The following SOX13 variants were observed in gnomAD, a reference collection of about 807,000 sequenced individuals.
SOX13 encodes transcription factor SOX-13.
SOX13 carries 28 observed loss-of-function variants against 71.8 expected under a neutral mutation model. The ratio of observed to expected loss-of-function variants is 0.39; its 90% CI spans 0.29 to 0.53. SOX13 has a LOEUF of 0.53. SOX13 is among the 20% of genes least tolerant of loss of function. The probability of loss-of-function intolerance (pLI) is 0.70; values close to 1 mark genes in which losing one functional copy is unlikely to be tolerated. For missense variants in SOX13, 627 were observed against 810.3 expected (o/e 0.77, Z 2.75); for synonymous variants, 309 against 317.8 (o/e 0.97, Z 0.29).
intron 1 of SOX13, among the ~76,000 whole-genome samples, chr1:204,095,001 C>G (rs955349682): frequency 6.6e-6 from 1 of 152,174 alleles, no homozygotes; most frequent in Non-Finnish European, 1.5e-5. Context: ...CCCCGTCCTG[C>G]CACTCCCTTC....
intron 1 of SOX13, among the ~76,000 whole-genome samples, chr1:204,094,769 G>T (rs1656217495): frequency 6.6e-6 from 1 of 152,158 alleles, no homozygotes. Context: ...TTGGTTAAGT[G>T]GGAACTGGGA....
At position 204,125,931 on chromosome 1, in the gene SOX13, C is replaced by T; in HGVS notation, c.1666C>T (p.Gln556Ter). ...TCGGGCAGCAGGCATGCCGCTGGCACAGCCACTGGTGGAGCACTATGTCCC... is the reference window on the plus strand; with the variant it reads ...TCGGGCAGCAGGCATGCCGCTGGCATAGCCACTGGTGGAGCACTATGTCCC... ...YPRAAGMPLAQPLVEHYVPRS... is the reference protein window; with the variant it reads ...YPRAAGMPLA Residue 556 changes from glutamine to a stop codon, truncating the protein, a stop_gained, in exon 14 of 14, where the codon CAG becomes TAG. Coordinates refer to ENST00000367204, the MANE Select transcript of SOX13 (RefSeq NM_005686.3). LOFTEE classifies it high-confidence loss of function. 1 of 1,613,728 alleles carries T rather than the reference C, an allele frequency of 6.2e-7. No homozygotes were observed. Among genetic ancestry groups the T allele is most frequent in the Non-Finnish European group, 8.5e-7 (1 of 1,179,814 alleles).
rs1655903800 is a variant in SOX13 at position 204,081,401 on chromosome 1, A to C, written c.-2+7690A>C. On this transcript the variant is annotated intron_variant, in intron 1 of 13. Transcript: ENST00000367204. This position sits in a 1 kb window ranked among gnomAD's most constrained non-coding sequence, Gnocchi z 4.3. ...TTTGTTTCCACGGAAGACCAAGAGG[A>C]GTCACGGTTTGACCAGCGCTAAGAG... 6.6e-6 allele frequency among the ~76,000 whole-genome samples: 1 copy of C among 152,242 alleles called. No homozygotes were observed. The highest frequency in any genetic ancestry group is 2.1e-4 in the South Asian group (1 of 4,834).
chr1:204,076,051 C>A (rs1375029192), intron 1 of SOX13, among the ~76,000 whole-genome samples: 1 of 152,144 alleles, frequency 6.6e-6, no homozygotes, highest in Non-Finnish European at 1.5e-5. Flanking sequence ...TGTCTAGTGC[C>A]ATCTTCTCGA....
intron 2 of SOX13, 77 bp downstream of exon 2, chr1:204,113,211 C>A: frequency 1.6e-6 from 2 of 1,214,994 alleles, no homozygotes; most frequent in Non-Finnish European, 2.3e-6. Context: ...GGCAGGCCCA[C>A]TCCCCTAGAT....
At position 204,123,603 on chromosome 1, in the gene SOX13, TG is replaced by T; in HGVS notation, c.1232-54del. The T allele has an allele frequency of 1.3e-6, 2 of 1,577,996 alleles. No homozygotes were observed. Among genetic ancestry groups the T allele is most frequent in the African/African-American group, 1.3e-5 (1 of 74,168 alleles). The stretch of plus-strand genomic sequence containing the variant: ...GTAGGGGACGTCTCTCTGCTGGCCC[TG>T]GGGCACTCTCCTGACCCCAGACAGG... On this transcript the variant is annotated intron_variant, in intron 11 of 13. Transcript: ENST00000367204. The surrounding 1 kb of genome is among the most constrained non-coding windows in gnomAD (Gnocchi z 5.0).
intron 1 of SOX13, among the ~76,000 whole-genome samples, chr1:204,086,445 A>G (rs976692708): frequency 6.6e-6 from 1 of 151,994 alleles, no homozygotes; most frequent in Non-Finnish European, 1.5e-5. Context: ...CTGGGACTAC[A>G]CACATGTGCT....
chr1:204,075,207 C>T (rs1194285407), intron 1 of SOX13, among the ~76,000 whole-genome samples: 1 of 152,236 alleles, frequency 6.6e-6, no homozygotes, highest in Non-Finnish European at 1.5e-5. Context: ...TCGAGCCAGG[C>T]CGCTCTCTGC....
rs12075131 is a variant in SOX13, at chr1:204,098,333, C to T, written c.-1-14582C>T. Reference sequence around the variant, plus strand: ...TCTCTACTAAAAATACAAAATTAGCCGGGCGTGGAGGCGCATGCCTGTAAT... The same window carrying T: ...TCTCTACTAAAAATACAAAATTAGCTGGGCGTGGAGGCGCATGCCTGTAAT... On this transcript the variant is annotated intron_variant, in intron 1 of 13. Coordinates refer to ENST00000367204, the MANE Select transcript of SOX13 (RefSeq NM_005686.3). Among the ~76,000 whole-genome samples the T allele has an allele frequency of 8.8e-3, 1,342 of 151,868 alleles. 19 individuals carry two copies. The highest frequency in any genetic ancestry group is 0.031 in the African/African-American group (1,274 of 41,400).
Position 204,097,560 on chromosome 1 carries a change from G to A in SOX13, c.-1-15355G>A, listed in dbSNP as rs550836686. On this transcript the variant is annotated intron_variant, in intron 1 of 13. Transcript: ENST00000367204. ...TACAAAATTAGCTGGGCGTGGTGGC[G>A]CATGCCTGTAATCCCAGCTACTCGG... Among the ~76,000 whole-genome samples, 14 of 151,816 alleles carry A rather than the reference G, an allele frequency of 9.2e-5. No homozygotes were observed. In the South Asian group the frequency reaches 2.3e-3, roughly 25 times the overall value.
chr1:204,082,882 G>A (rs1655938370), intron 1 of SOX13, among the ~76,000 whole-genome samples: 1 of 152,234 alleles, frequency 6.6e-6, no homozygotes, highest in African/African-American at 2.4e-5. Context: ...CTTGAAATGG[G>A]TGTACAAGTC....
At chr1:204,105,351 G>A (rs1024714653) in intron 1 of SOX13, among the ~76,000 whole-genome samples, 71 of 152,232 alleles carry the variant, frequency 4.7e-4, no homozygotes, top group African/African-American at 1.6e-3. Flanking sequence ...AGGAAGGGAG[G>A]GCAGAGCAGA....
At chr1:204,122,146 T>C (rs1404699238) in intron 8 of SOX13, 91 bp from the exon 9 acceptor site, 9 of 1,202,128 alleles carry the variant, frequency 7.5e-6, no homozygotes, top group South Asian at 2.9e-5. Flanking sequence ...TCCTTGTGTG[T>C]TCTGGGTATG....
At chr1:204,099,447 T>G (rs1039138347) in intron 1 of SOX13, among the ~76,000 whole-genome samples, 6 of 144,864 alleles carry the variant, frequency 4.1e-5, no homozygotes, top group Non-Finnish European at 6.0e-5. Flanking sequence ...TTTTTTTTTT[T>G]GAGACAGGGT....
chr1:204,077,479 A>AT (rs1655808388), intron 1 of SOX13, among the ~76,000 whole-genome samples: 2 of 152,368 alleles, frequency 1.3e-5, no homozygotes, highest in East Asian at 1.9e-4. Context: ...TTCTGAATTT[A>AT]GTACCAGGTG....
At chr1:204,082,323 A>C (rs1428289644) in intron 1 of SOX13, among the ~76,000 whole-genome samples, 1 of 152,034 alleles carries the variant, frequency 6.6e-6, no homozygotes, top group African/African-American at 2.4e-5. Flanking sequence ...CCTCCAACCC[A>C]TGGGAACCAG....
At position 204,122,409 on chromosome 1, in the gene SOX13, C is replaced by T. The variant is rs1489206311; in HGVS notation, c.1024+10C>T. ...CCGAGCCTGCCTCTGGGTAAGCCTC[C>T]TGCTGCCTGCACTTGTCCCTCAGCC... On this transcript the variant is annotated intron_variant, in intron 9 of 13. Transcript: ENST00000367204. 4 of 1,564,506 alleles carry T rather than the reference C, an allele frequency of 2.6e-6. No individual in the cohort carries two copies. The highest frequency in any genetic ancestry group is 3.8e-5 in the Admixed American group (2 of 53,022).
At position 204,124,867 on chromosome 1, in the gene SOX13, C is replaced by T. The variant is rs767794705; in HGVS notation, c.1592+10C>T. 1.0e-5 allele frequency: 16 copies of T among 1,540,882 alleles called. No homozygotes were observed. The highest frequency in any genetic ancestry group is 4.1e-5 in the African/African-American group (3 of 72,910). On this transcript the variant is annotated intron_variant, in intron 13 of 13. Coordinates refer to ENST00000367204, the MANE Select transcript of SOX13 (RefSeq NM_005686.3). ...AGAGCTACGTGATCCCGTGAGCAGGCCCCCCCGCAGGCAGCCAGGAGACTG... is the reference window on the plus strand; with the variant it reads ...AGAGCTACGTGATCCCGTGAGCAGGTCCCCCCGCAGGCAGCCAGGAGACTG...
chr1:204,077,238 A>G (rs1414862729), intron 1 of SOX13, among the ~76,000 whole-genome samples: 4 of 152,218 alleles, frequency 2.6e-5, no homozygotes, highest in Admixed American at 1.3e-4. Context: ...GAGACTGGAG[A>G]AATCAGAGGA....
Sources: allele counts gnomAD v4.1 joint callset (sites outside exome capture counted in the v4.1 genomes callset), GRCh38; gene constraint gnomAD v4.1.1; non-coding constraint Gnocchi (gnomAD v3.1); transcripts MANE v1.5; gene names NCBI Gene and HGNC (gene_info 2026-07-23, HGNC 2026-07-21).